HERC6: variants seen among roughly 807,000 people sequenced by gnomAD.
HERC6 encodes probable E3 ubiquitin-protein ligase HERC6.
HERC6 carries 101 observed loss-of-function variants against 114.5 expected under a neutral mutation model. That is an observed-to-expected ratio of 0.88 (90% CI 0.75 to 1.04). The LOEUF (loss-of-function observed/expected upper bound fraction) is 1.04, where lower values mean the gene tolerates loss of function less well. Ranked by LOEUF, HERC6 falls within the 50% of genes least tolerant of loss-of-function variation. The probability of loss-of-function intolerance (pLI) is 0.00; values close to 1 mark genes in which losing one functional copy is unlikely to be tolerated. For synonymous variants in HERC6, 408 were observed against 436.2 expected (o/e 0.94, Z 0.81); for missense variants, 1,133 against 1,230.9 (o/e 0.92, Z 1.19).
At chr4:88,430,987 T>A (rs1738139994) in intron 16 of HERC6, among the ~76,000 whole-genome samples, 175 bp from the exon 17 acceptor site, 1 of 152,204 alleles carries the variant, frequency 6.6e-6, no homozygotes, top group South Asian at 2.1e-4. Context: ...AATAGATTCA[T>A]GGCCTTCACT....
In HERC6 at chr4:88,379,937, TATATATATAATATATAA is replaced by T. The variant is rs1734112233; in HGVS notation, c.199+861_199+877del. The stretch of plus-strand genomic sequence containing the variant: ...TATATAAATATATATAATATATAAA[TATATATATAATATATAA>T]ATATATATAATATATAAATATATAT... On this transcript the variant is annotated intron_variant, in intron 1 of 22. Transcript: ENST00000264346. 2.6e-4 allele frequency among the ~76,000 whole-genome samples: 2 copies of T among 7,650 alleles called. 1 individual carries two copies. Among genetic ancestry groups the T allele is most frequent in the African/African-American group, 2.3e-3 (2 of 886 alleles). The allele number at this position is 7,650 out of a possible 152,430, so 5.0% of individuals were successfully genotyped here.
At chr4:88,403,518 G>T (rs1196205286) in intron 8 of HERC6, among the ~76,000 whole-genome samples, 1 of 152,206 alleles carries the variant, frequency 6.6e-6, no homozygotes, top group African/African-American at 2.4e-5. Flanking sequence ...ACTTTGGGAG[G>T]CCGAGGCGGG....
chr4:88,389,183 T>A (rs1734762552), intron 3 of HERC6, among the ~76,000 whole-genome samples: 1 of 151,712 alleles, frequency 6.6e-6, no homozygotes, highest in South Asian at 2.1e-4. Context: ...AGAAGTGTAC[T>A]CCAGGAATAG....
In HERC6 at chr4:88,428,585, AGAAAAGAAAGCATACATGCTTATGCAT is replaced by A; in HGVS notation, c.1946_1972del (p.Lys649_Glu657del). 6.3e-7 allele frequency: 1 copy of A among 1,580,292 alleles called. No individual in the cohort carries two copies. The highest frequency in any genetic ancestry group is 1.2e-5 in the South Asian group (1 of 83,520). Reference sequence around the variant, plus strand: ...TAAAAAATTTATTTTTCCAGATGTCAGAAAAGAAAGCATACATGCTTATGCATGAAACAATTCTGCAAAAAAAGGATG... The same window carrying A: ...TAAAAAATTTATTTTTCCAGATGTCAGAAACAATTCTGCAAAAAAAGGATG... On this transcript the variant is annotated inframe_deletion, in exon 16 of 23. Transcript: ENST00000264346.
chr4:88,421,291 C>G (rs192837276), intron 13 of HERC6, among the ~76,000 whole-genome samples: 8 of 152,220 alleles, frequency 5.3e-5, no homozygotes, highest in Admixed American at 5.2e-4. Context: ...TTTCATTTCC[C>G]GTATATACCC....
chr4:88,420,674 G>C (rs1325433077), intron 13 of HERC6, among the ~76,000 whole-genome samples: 2 of 152,148 alleles, frequency 1.3e-5, no homozygotes, highest in African/African-American at 2.4e-5. Flanking sequence ...TGTCATGCCT[G>C]TAATCCCAGC....
chr4:88,396,673 C>T (rs1022429650), intron 6 of HERC6, among the ~76,000 whole-genome samples, 178 bp from the exon 7 acceptor site: 13 of 152,134 alleles, frequency 8.5e-5, no homozygotes, highest in Admixed American at 5.2e-4. Context: ...ATTGACTGAC[C>T]GTCTGTTTAG....
At chr4:88,427,599 T>C (rs1737760586) in intron 15 of HERC6, among the ~76,000 whole-genome samples, 1 of 152,052 alleles carries the variant, frequency 6.6e-6, no homozygotes. Context: ...AATTTCTTAG[T>C]ATATAATGGT....
rs770403679 is a variant in HERC6, at chr4:88,378,972, G to A, written c.51G>A (p.Thr17=). 2.5e-4 allele frequency: 393 copies of A among 1,589,168 alleles called. 2 individuals carry two copies. In the East Asian group the frequency reaches 4.7e-3, roughly 19 times the overall value. The part of the protein sequence containing the change: ...ADSRELQRRR[T]AGSPGAELLQ... ...CCAGGGAGCTGCAGCGCCGGAGGAC[G>A]GCGGGCAGCCCCGGGGCTGAGCTAC... is the stretch of plus-strand genomic sequence containing the variant. Residue 17 remains threonine (T), a synonymous_variant, in exon 1 of 23, where the codon ACG becomes ACA. Coordinates refer to ENST00000264346, the MANE Select transcript of HERC6 (RefSeq NM_017912.4).
chr4:88,400,948 C>T (rs538766673), intron 8 of HERC6, among the ~76,000 whole-genome samples: 7 of 152,214 alleles, frequency 4.6e-5, no homozygotes, highest in Non-Finnish European at 7.4e-5. Context: ...TAAGGGGGGA[C>T]TGCTGTATTT....
intron 2 of HERC6, among the ~76,000 whole-genome samples, chr4:88,383,708 GTGCTGGGAC>G (rs1734434477): frequency 6.8e-6 from 1 of 146,714 alleles, no homozygotes; most frequent in African/African-American, 2.5e-5. Flanking sequence ...GGTTGCAGTG[GTGCTGGGAC>G]AGCGCCACTG....
chr4:88,435,324 T>G (rs1044773545), intron 17 of HERC6, among the ~76,000 whole-genome samples: 1 of 152,040 alleles, frequency 6.6e-6, no homozygotes, highest in Non-Finnish European at 1.5e-5. Context: ...CTGCCACTCA[T>G]GCGAGGCTCA....
chr4:88,424,163 A>C (rs1313029276), intron 14 of HERC6, among the ~76,000 whole-genome samples, 190 bp downstream of exon 14: 2 of 152,170 alleles, frequency 1.3e-5, no homozygotes, highest in African/African-American at 4.8e-5. Context: ...GCAGTTTTTG[A>C]AATTTTGTTT....
Position 88,393,586 on chromosome 4 carries a change from A to G in HERC6, c.759+4A>G, listed in dbSNP as rs553668550. 3.8e-6 allele frequency: 6 copies of G among 1,590,292 alleles called. No individual in the cohort carries two copies. The highest frequency in any genetic ancestry group is 5.2e-6 in the Non-Finnish European group (6 of 1,160,318). Reference sequence around the variant, plus strand: ...ACACACTGCGGTGCTTACCCAGGTAATCCAAAACGTGTTGCTATTTTTTTG... The same window carrying G: ...ACACACTGCGGTGCTTACCCAGGTAGTCCAAAACGTGTTGCTATTTTTTTG... On this transcript the variant is annotated splice_donor_region_variant and intron_variant, in intron 5 of 22. Coordinates refer to ENST00000264346, the MANE Select transcript of HERC6 (RefSeq NM_017912.4).
At chr4:88,424,548 T>G in intron 14 of HERC6, 47 bp from the exon 15 acceptor site, 1 of 1,406,744 alleles carries the variant, frequency 7.1e-7, no homozygotes, top group South Asian at 1.2e-5. Context: ...TAAGTTTTTT[T>G]TCATTGTTTT....
intron 15 of HERC6, among the ~76,000 whole-genome samples, chr4:88,425,575 C>T (rs75792269): frequency 0.018 from 2,701 of 152,186 alleles, 85 homozygotes; most frequent in African/African-American, 0.062. Context: ...TTATAAGCTC[C>T]GACTGATATT....
rs749140336 is a variant in HERC6 at position 88,390,889 on chromosome 4, T to C, written c.664+10T>C. The C allele has an allele frequency of 1.9e-6, 3 of 1,599,980 alleles. No individual in the cohort carries two copies. Among genetic ancestry groups the C allele is most frequent in the Middle Eastern group, 1.7e-4 (1 of 5,980 alleles). ...GGGCGTAATGTCCCAGGTAAGGAGATAGTCTTGTTTGTGCAGTAAATCATT... is the reference window on the plus strand; with the variant it reads ...GGGCGTAATGTCCCAGGTAAGGAGACAGTCTTGTTTGTGCAGTAAATCATT... On this transcript the variant is annotated intron_variant, in intron 4 of 22. Transcript: ENST00000264346.
intron 18 of HERC6, among the ~76,000 whole-genome samples, chr4:88,436,172 A>ATATGTGCATCATCACACATATAAATATT (rs1738715377): frequency 6.6e-6 from 1 of 152,160 alleles, no homozygotes; most frequent in Admixed American, 6.6e-5. Flanking sequence ...AGCACAATAT[A>ATATGTGCATCATCACACATATAAATATT]TATGTGCATC....
At chr4:88,426,393 C>A (rs1364852622) in intron 15 of HERC6, among the ~76,000 whole-genome samples, 1 of 152,030 alleles carries the variant, frequency 6.6e-6, no homozygotes, top group Non-Finnish European at 1.5e-5. Context: ...GTCTCGAACT[C>A]CCAACCTCAA....
Sources: allele counts gnomAD v4.1 joint callset (sites outside exome capture counted in the v4.1 genomes callset), GRCh38; gene constraint gnomAD v4.1.1; transcripts MANE v1.5; gene names NCBI Gene and HGNC (gene_info 2026-07-23, HGNC 2026-07-21).